Variants in MGAT4C observed in about 807,000 individuals in gnomAD.
MGAT4C encodes the protein alpha-1,3-mannosyl-glycoprotein 4-beta-N-acetylglucosaminyltransferase C.
Under a neutral mutation model 40.1 loss-of-function variants are expected in MGAT4C, and 19 were observed. The observed-to-expected ratio is 0.47, with a 90% CI of 0.33 to 0.70. MGAT4C has a LOEUF of 0.70. MGAT4C is among the 30% of genes least tolerant of loss of function. The pLI is 0.02. For missense variants in MGAT4C, 491 were observed against 563.2 expected (o/e 0.87, Z 1.30); for synonymous variants, 181 against 187.1 (o/e 0.97, Z 0.27).
chr12:86,771,713 T>C (rs958029758), intron 1 of MGAT4C, among the ~76,000 whole-genome samples: 4 of 150,000 alleles, frequency 2.7e-5, no homozygotes, highest in Non-Finnish European at 5.9e-5. Flanking sequence ...TGTGTGTGTG[T>C]GTGTGTGTGT....
chr12:86,589,419 C>G (rs1394919020), intron 2 of MGAT4C, among the ~76,000 whole-genome samples: 2 of 152,108 alleles, frequency 1.3e-5, no homozygotes, highest in South Asian at 2.1e-4. Flanking sequence ...CAATACCTTA[C>G]CAACCAAAAA....
intron 3 of MGAT4C, among the ~76,000 whole-genome samples, chr12:86,397,471 C>T (rs1232494954): frequency 6.6e-6 from 1 of 151,344 alleles, no homozygotes; most frequent in African/African-American, 2.4e-5. Flanking sequence ...TTCTTTTTTC[C>T]TTTGGGTGTT....
chr12:86,167,816 A>T (rs1042669671), intron 1 of MGAT4C, among the ~76,000 whole-genome samples: 10 of 152,194 alleles, frequency 6.6e-5, no homozygotes, highest in African/African-American at 2.4e-4. Context: ...ACTTTGGAGG[A>T]CCCATTCAAA....
intron 1 of MGAT4C, among the ~76,000 whole-genome samples, chr12:86,210,016 TA>T (rs1950399676): frequency 6.6e-6 from 1 of 152,184 alleles, no homozygotes; most frequent in Non-Finnish European, 1.5e-5. Flanking sequence ...CTCTCAAAGA[TA>T]AGGGCTGCAA....
chr12:86,194,648 G>A (rs1052234076), intron 1 of MGAT4C, among the ~76,000 whole-genome samples: 1 of 150,206 alleles, frequency 6.7e-6, no homozygotes, highest in African/African-American at 2.5e-5. Flanking sequence ...ATTTTTAGTA[G>A]ACATGGGGTT....
At chr12:86,503,986 A>G (rs1329448045) in intron 2 of MGAT4C, among the ~76,000 whole-genome samples, 1 of 151,516 alleles carries the variant, frequency 6.6e-6, no homozygotes, top group East Asian at 1.9e-4. Flanking sequence ...ACAATTGATG[A>G]TATAAAAGAA....
At chr12:86,691,057 A>C (rs1950164646) in intron 2 of MGAT4C, among the ~76,000 whole-genome samples, 1 of 152,132 alleles carries the variant, frequency 6.6e-6, no homozygotes, top group Non-Finnish European at 1.5e-5. Context: ...ACGATAGTTT[A>C]CTCAGTTATT....
intron 2 of MGAT4C, chr12:86,013,726 C>A (rs896917221): frequency 2.0e-5 from 20 of 983,268 alleles, no homozygotes; most frequent in Non-Finnish European, 2.4e-5. Flanking sequence ...AAAGAACATA[C>A]GGCTTTTCTA....
intron 2 of MGAT4C, among the ~76,000 whole-genome samples, chr12:86,611,388 A>ACAGG (rs1962260901): frequency 2.0e-5 from 3 of 148,224 alleles, no homozygotes; most frequent in South Asian, 2.1e-4. Context: ...GGTCCCATAG[A>ACAGG]TAGGTAGGTA....
chr12:86,340,689 G>T (rs371376966), intron 3 of MGAT4C, among the ~76,000 whole-genome samples: 6 of 152,158 alleles, frequency 3.9e-5, no homozygotes, highest in Admixed American at 3.3e-4. Context: ...TATCATTATT[G>T]ATGACTCTTT....
At chr12:86,286,836 GT>G (rs1248854577) in intron 4 of MGAT4C, among the ~76,000 whole-genome samples, 3 of 151,928 alleles carry the variant, frequency 2.0e-5, no homozygotes, top group Admixed American at 2.0e-4. Context: ...AGAACATGTG[GT>G]ATTTGTTTTT....
rs931956160 is a variant in MGAT4C at position 86,546,089 on chromosome 12, G to A, written c.-228-110824C>T. ...TTGACGTTTTTGAATTATGGTCATA[G>A]TTCTCTTTCGATCACATCTGAACTA... On this transcript the variant is annotated intron_variant, in intron 2 of 7. Coordinates refer to the MGAT4C transcript ENST00000548651. Among the ~76,000 whole-genome samples the A allele has an allele frequency of 7.9e-5, 12 of 151,848 alleles. No individual in the cohort carries two copies. The East Asian group carries it at 1.2e-3, about 15-fold the overall frequency.
At chr12:86,285,345 A>G (rs1282312043) in intron 4 of MGAT4C, among the ~76,000 whole-genome samples, 1 of 152,004 alleles carries the variant, frequency 6.6e-6, no homozygotes, top group Non-Finnish European at 1.5e-5. Context: ...AGGGATGTTG[A>G]CTATTGTGTT....
intron 1 of MGAT4C, among the ~76,000 whole-genome samples, chr12:86,133,508 A>C (rs1230071273): frequency 6.6e-6 from 1 of 152,220 alleles, no homozygotes; most frequent in Non-Finnish European, 1.5e-5. Context: ...TGGACAGCTT[A>C]TCTTTTATGA....
intron 1 of MGAT4C, among the ~76,000 whole-genome samples, chr12:86,228,196 G>A (rs888173839): frequency 2.0e-5 from 3 of 151,564 alleles, no homozygotes; most frequent in African/African-American, 7.3e-5. Flanking sequence ...CTATCTATTG[G>A]CTTTTCTGTA....
At chr12:86,087,045 C>A (rs1871983712) in intron 1 of MGAT4C, among the ~76,000 whole-genome samples, 1 of 151,730 alleles carries the variant, frequency 6.6e-6, no homozygotes, top group African/African-American at 2.4e-5. Flanking sequence ...GTGTATATAC[C>A]CCACATTTTC....
At chr12:86,635,129 T>C (rs966112356) in intron 2 of MGAT4C, among the ~76,000 whole-genome samples, 1 of 152,142 alleles carries the variant, frequency 6.6e-6, no homozygotes, top group Admixed American at 6.6e-5. Flanking sequence ...AGTTTCCTTA[T>C]AGTATTTTCT....
intron 1 of MGAT4C, among the ~76,000 whole-genome samples, chr12:86,080,359 C>T (rs1324622572): frequency 6.6e-6 from 1 of 152,170 alleles, no homozygotes; most frequent in African/African-American, 2.4e-5. Flanking sequence ...TTTTATCACA[C>T]ACTTTTTTAA....
At chr12:86,800,622 A>G (rs969835645) in intron 1 of MGAT4C, among the ~76,000 whole-genome samples, 4 of 151,858 alleles carry the variant, frequency 2.6e-5, no homozygotes, top group Admixed American at 6.6e-5. Flanking sequence ...AGACAATAGG[A>G]TATTTGAAAT....
Sources: gnomAD v4.1 joint callset for allele counts (sites outside exome capture counted in the v4.1 genomes callset) on GRCh38, gnomAD v4.1.1 for gene constraint, MANE v1.5 for transcripts, NCBI Gene and HGNC (gene_info 2026-07-23, HGNC 2026-07-21) for gene names.